SNTB1: variants seen among roughly 807,000 people sequenced by gnomAD.
The protein encoded by SNTB1 is beta-1-syntrophin.
A neutral mutation model predicts 48.9 loss-of-function variants in SNTB1; 36 were observed. That is an observed-to-expected ratio of 0.74 (90% confidence interval 0.56 to 0.97). The LOEUF (loss-of-function observed/expected upper bound fraction) is 0.97, where lower values mean the gene tolerates loss of function less well. Among genes scored for constraint, SNTB1 ranks in the 50% least tolerant of loss-of-function variants. SNTB1 has a pLI of 0.00. For missense variants in SNTB1, 786 were observed against 703.4 expected, an observed-to-expected ratio of 1.12 and a Z score of -1.33; for synonymous variants, 299 against 294.6, an observed-to-expected ratio of 1.01 and a Z score of -0.15.
intron 1 of SNTB1, among the ~76,000 whole-genome samples, chr8:120,785,719 CA>C (rs1270492652): frequency 6.6e-6 from 1 of 152,102 alleles, no homozygotes; most frequent in African/African-American, 2.4e-5. Context: ...CCTGAGACCC[CA>C]GAGTACCTAC....
intron 1 of SNTB1, among the ~76,000 whole-genome samples, chr8:120,750,590 C>T (rs956869414): frequency 5.9e-5 from 9 of 152,032 alleles, no homozygotes; most frequent in African/African-American, 2.2e-4. Flanking sequence ...GTAAAGGGAC[C>T]TCTGACTCTT....
intron 1 of SNTB1, among the ~76,000 whole-genome samples, chr8:120,803,048 CA>C (rs781740777): frequency 6.6e-6 from 1 of 151,648 alleles, no homozygotes; most frequent in Non-Finnish European, 1.5e-5. Context: ...CAGGAAGAAA[CA>C]ATGGCAGTTT....
At position 120,538,765 on chromosome 8, in the gene SNTB1, C is replaced by G. The variant is rs1372086504; in HGVS notation, c.*112G>C. The G allele has an allele frequency of 1.2e-5, 11 of 898,608 alleles. No individual in the cohort carries two copies. Among genetic ancestry groups the G allele is most frequent in the Non-Finnish European group, 1.1e-5 (6 of 533,592 alleles). The allele number at this position is 898,608 out of a possible 1,614,324, so 55.7% of individuals were successfully genotyped here. A position where few individuals can be genotyped will look rare whatever the true frequency, so the allele number is the denominator to read the frequency against. On this transcript the variant is annotated 3_prime_UTR_variant, in exon 7 of 7. Transcript: ENST00000517992. ...TACATACGACTCTTGAGAGCTAAAG[C>G]TGACTGTAGCACGCTACATCTGGTG...
At chr8:120,727,275 C>T (rs1250021215) in intron 1 of SNTB1, among the ~76,000 whole-genome samples, 5 of 152,102 alleles carry the variant, frequency 3.3e-5, no homozygotes, top group Non-Finnish European at 1.5e-5. Context: ...GTAATAACTC[C>T]GTTTCTCTTC....
chr8:120,555,884 A>G (rs1211123413), intron 4 of SNTB1, among the ~76,000 whole-genome samples: 2 of 152,154 alleles, frequency 1.3e-5, no homozygotes, highest in Non-Finnish European at 2.9e-5. Context: ...ACGTGAGGAC[A>G]CAGAAAGAGG....
rs115796347 is a variant in SNTB1, at chr8:120,695,064, C to T, written c.572-1156G>A. ...GGCAGCTTTTGGGTTAACAGGGCAA[C>T]GAGATTCTTGGAACATGCAATGTAA... On this transcript the variant is annotated intron_variant, in intron 1 of 6. Coordinates refer to ENST00000517992, the MANE Select transcript of SNTB1 (RefSeq NM_021021.4). Among the ~76,000 whole-genome samples the T allele has an allele frequency of 7.5e-3, 1,145 of 152,214 alleles. 14 individuals carry two copies. The highest frequency in any genetic ancestry group is 0.027 in the African/African-American group (1,109 of 41,522).
Position 120,579,946 on chromosome 8 carries a change from A to G in SNTB1, c.997-4721T>C, listed in dbSNP as rs185389447. On this transcript the variant is annotated intron_variant, in intron 3 of 6. Transcript: ENST00000517992. ...TACTATTAAGGAGAGTGCACATCAGATTAAAGATCTGAGTGAGCTTGGGCA... is the reference window on the plus strand; with the variant it reads ...TACTATTAAGGAGAGTGCACATCAGGTTAAAGATCTGAGTGAGCTTGGGCA... Among the ~76,000 whole-genome samples the G allele has an allele frequency of 1.3e-3, 197 of 152,360 alleles. 1 individual carries two copies. Among genetic ancestry groups the G allele is most frequent in the Non-Finnish European group, 2.2e-3 (153 of 68,034 alleles).
chr8:120,797,575 T>A (rs11995679), intron 1 of SNTB1, among the ~76,000 whole-genome samples: 1 of 108,756 alleles, frequency 9.2e-6, no homozygotes, highest in African/African-American at 3.8e-5. Flanking sequence ...TTTTTTTTTG[T>A]CCAAATCCTT....
At chr8:120,549,975 T>A (rs1344073872) in intron 4 of SNTB1, among the ~76,000 whole-genome samples, 1 of 152,214 alleles carries the variant, frequency 6.6e-6, no homozygotes, top group Non-Finnish European at 1.5e-5. Context: ...AAGAGTTATT[T>A]TCTTAGGCAA....
intron 3 of SNTB1, among the ~76,000 whole-genome samples, chr8:120,598,399 A>C (rs900386993): frequency 1.3e-5 from 2 of 152,204 alleles, no homozygotes; most frequent in Admixed American, 1.3e-4. Context: ...ATCCTTTAGC[A>C]TTCACAGACT....
chr8:120,802,647 C>T (rs1168808164), intron 1 of SNTB1, among the ~76,000 whole-genome samples: 2 of 152,082 alleles, frequency 1.3e-5, no homozygotes, highest in Non-Finnish European at 2.9e-5. Context: ...CTTTATATAA[C>T]ATATGATTAA....
chr8:120,536,216 T>C lies in SNTB1; in HGVS notation c.*2661A>G, dbSNP rs189875277. 2.6e-4 allele frequency: 39 copies of C among 152,256 alleles called. No individual in the cohort carries two copies. The highest frequency in any genetic ancestry group is 3.4e-3 in the Middle Eastern group (1 of 294). 9.4% of individuals were successfully genotyped at this position (152,256 alleles called of 1,614,324 possible). A position where few individuals can be genotyped will look rare whatever the true frequency, so the allele number is the denominator to read the frequency against. ...ATGTCACTGCACCAGAGGACTCACT[T>C]AACCACATCTACTGACAAATAGGCA... On this transcript the variant is annotated 3_prime_UTR_variant, in exon 7 of 7. Transcript: ENST00000517992.
At chr8:120,754,288 T>C (rs555057499) in intron 1 of SNTB1, among the ~76,000 whole-genome samples, 11 of 151,838 alleles carry the variant, frequency 7.2e-5, no homozygotes, top group African/African-American at 2.7e-4. Flanking sequence ...AGTCCAGGAG[T>C]TGGAGACCAG....
intron 2 of SNTB1, among the ~76,000 whole-genome samples, chr8:120,648,826 T>A (rs1273074218): frequency 6.6e-6 from 1 of 152,256 alleles, no homozygotes; most frequent in Non-Finnish European, 1.5e-5. Context: ...GATTTGGTCT[T>A]TTCAAATAGT....
At chr8:120,760,667 A>G (rs1432365476) in intron 1 of SNTB1, among the ~76,000 whole-genome samples, 2 of 152,056 alleles carry the variant, frequency 1.3e-5, no homozygotes, top group Non-Finnish European at 2.9e-5. Context: ...ACCATTTTTA[A>G]ATACACCCAG....
intron 3 of SNTB1, among the ~76,000 whole-genome samples, chr8:120,603,408 AT>A (rs1413379400): frequency 2.0e-5 from 3 of 152,088 alleles, no homozygotes; most frequent in African/African-American, 4.8e-5. Context: ...GCTACCCTAG[AT>A]TTTTAGTTGT....
At chr8:120,732,240 C>T (rs997363368) in intron 1 of SNTB1, among the ~76,000 whole-genome samples, 2 of 152,178 alleles carry the variant, frequency 1.3e-5, no homozygotes, top group African/African-American at 2.4e-5. Context: ...TAGGTTAACT[C>T]GACTCATTTC....
intron 1 of SNTB1, among the ~76,000 whole-genome samples, chr8:120,724,031 C>T (rs539092119): frequency 3.3e-5 from 5 of 152,216 alleles, no homozygotes; most frequent in Non-Finnish European, 5.9e-5. Flanking sequence ...GTCTGAAACT[C>T]AGCTCCATGA....
chr8:120,732,751 C>T (rs182316358), intron 1 of SNTB1, among the ~76,000 whole-genome samples: 65 of 152,286 alleles, frequency 4.3e-4, no homozygotes, highest in Admixed American at 4.3e-3. Context: ...GAAGCTGAGG[C>T]AGGAGAATCA....
Sources: gnomAD v4.1 joint callset for allele counts (sites outside exome capture counted in the v4.1 genomes callset) on GRCh38, gnomAD v4.1.1 for gene constraint, MANE v1.5 for transcripts, NCBI Gene and HGNC (gene_info 2026-07-23, HGNC 2026-07-21) for gene names.